Variants in PPP6R3 observed in about 807,000 individuals in gnomAD.
PPP6R3 encodes the protein protein phosphatase 6 regulatory subunit 3.
PPP6R3 carries 38 observed loss-of-function variants against 110.7 expected under a neutral mutation model. The observed-to-expected ratio is 0.34, with a 90% CI of 0.26 to 0.45. The LOEUF (loss-of-function observed/expected upper bound fraction) is 0.45. Among genes scored for constraint, PPP6R3 ranks in the 20% least tolerant of loss-of-function variants. The pLI, the probability that PPP6R3 is intolerant of heterozygous loss-of-function variation, is 1.00. For synonymous variants in PPP6R3, 369 were observed against 373.5 expected, an observed-to-expected ratio of 0.99 and a Z score of 0.14; for missense variants, 870 against 1,062.4, an observed-to-expected ratio of 0.82 and a Z score of 2.52.
intron 8 of PPP6R3, among the ~76,000 whole-genome samples, chr11:68,561,936 A>G (rs2099424856): frequency 6.6e-6 from 1 of 151,916 alleles, no homozygotes; most frequent in South Asian, 2.1e-4. Flanking sequence ...AATTTTTTTT[A>G]TGTTTTGTAG....
chr11:68,548,415 C>G (rs2099357675), intron 5 of PPP6R3, among the ~76,000 whole-genome samples: 1 of 141,722 alleles, frequency 7.1e-6, no homozygotes, highest in Non-Finnish European at 1.6e-5. Flanking sequence ...GGGCACATCC[C>G]TAGGTATGTA....
chr11:68,572,647 C>T (rs556398849), intron 12 of PPP6R3, among the ~76,000 whole-genome samples: 13 of 152,116 alleles, frequency 8.5e-5, no homozygotes, highest in South Asian at 8.3e-4. Flanking sequence ...GCCAGGGGTT[C>T]GAGACCAGTC....
At chr11:68,599,800 T>A (rs1423199230) in intron 19 of PPP6R3, among the ~76,000 whole-genome samples, 4 of 152,212 alleles carry the variant, frequency 2.6e-5, no homozygotes, top group Non-Finnish European at 5.9e-5. Context: ...AATCTCTGTG[T>A]AGTATTTCTT....
intron 23 of PPP6R3, among the ~76,000 whole-genome samples, chr11:68,612,312 C>T (rs1943913900): frequency 6.6e-6 from 1 of 152,212 alleles, no homozygotes; most frequent in Non-Finnish European, 1.5e-5. Context: ...AGGTATAAGG[C>T]ATGAGTAGCA....
chr11:68,489,179 C>T (rs747083452), intron 1 of PPP6R3, among the ~76,000 whole-genome samples: 14 of 151,880 alleles, frequency 9.2e-5, no homozygotes, highest in African/African-American at 2.9e-4. Flanking sequence ...CCACCACGCC[C>T]GGCTAATTTT....
rs1249687224 is a variant in PPP6R3 at position 68,613,157 on chromosome 11, G to A, written c.*40G>A. 2.5e-6 allele frequency: 4 copies of A among 1,611,808 alleles called. No homozygotes were observed. Among genetic ancestry groups the A allele is most frequent in the Non-Finnish European group, 3.4e-6 (4 of 1,179,198 alleles). ...TGCTGCTGACTGAGGACTGCAGACC[G>A]CCACCACTCAGGGGCTCTGGAGGGG... On this transcript the variant is annotated 3_prime_UTR_variant, in exon 24 of 24. Coordinates refer to ENST00000393800, the MANE Select transcript of PPP6R3 (RefSeq NM_001164161.2).
At chr11:68,487,205 T>C (rs1038124381) in intron 1 of PPP6R3, among the ~76,000 whole-genome samples, 3 of 152,216 alleles carry the variant, frequency 2.0e-5, no homozygotes, top group Non-Finnish European at 4.4e-5. Context: ...TACTCAATGC[T>C]ATAAATTTCC....
intron 1 of PPP6R3, among the ~76,000 whole-genome samples, chr11:68,490,628 T>G (rs545089799): frequency 6.7e-6 from 1 of 148,156 alleles, no homozygotes; most frequent in Non-Finnish European, 1.5e-5. Context: ...ATATTTTCTG[T>G]TTTTTTTTTC....
intron 1 of PPP6R3, among the ~76,000 whole-genome samples, chr11:68,515,595 C>G (rs1032717683): frequency 6.6e-6 from 1 of 152,146 alleles, no homozygotes; most frequent in African/African-American, 2.4e-5. Context: ...CATGAGCATT[C>G]AGCATTCGGG....
At chr11:68,603,258 T>C (rs1594033063) in intron 21 of PPP6R3, 84 bp from the exon 22 acceptor site, 1 of 1,505,544 alleles carries the variant, frequency 6.6e-7, no homozygotes, top group South Asian at 1.3e-5. Context: ...AGATGTCACG[T>C]TGGGTAGATG....
intron 1 of PPP6R3, among the ~76,000 whole-genome samples, chr11:68,485,736 A>G (rs1160497083): frequency 1.3e-5 from 2 of 152,170 alleles, no homozygotes; most frequent in African/African-American, 4.8e-5. Flanking sequence ...ACTTTGTCAC[A>G]TAGGCTGGAG....
intron 18 of PPP6R3, among the ~76,000 whole-genome samples, 165 bp from the exon 19 acceptor site, chr11:68,595,932 G>A (rs1331088851): frequency 1.3e-5 from 2 of 152,170 alleles, no homozygotes; most frequent in African/African-American, 2.4e-5. Context: ...CAGCACGCAC[G>A]CAAAGCTGAG....
intron 3 of PPP6R3, among the ~76,000 whole-genome samples, chr11:68,540,301 G>A (rs1037172682): frequency 6.6e-5 from 10 of 152,098 alleles, no homozygotes; most frequent in East Asian, 1.9e-4. Context: ...AAAGCTGGGC[G>A]TCCGGGGGAG....
At chr11:68,581,394 A>ATG (rs2099553930) in intron 14 of PPP6R3, among the ~76,000 whole-genome samples, 1 of 152,220 alleles carries the variant, frequency 6.6e-6, no homozygotes, top group Non-Finnish European at 1.5e-5. Flanking sequence ...GAAAGTGTGA[A>ATG]TGAGGATACA....
At chr11:68,503,273 C>T (rs188636468) in intron 1 of PPP6R3, among the ~76,000 whole-genome samples, 17 of 152,312 alleles carry the variant, frequency 1.1e-4, no homozygotes, top group Admixed American at 2.6e-4. Context: ...CCCACGGAAA[C>T]GGCTTCGTTT....
At chr11:68,475,170 G>T (rs549318823) in intron 1 of PPP6R3, among the ~76,000 whole-genome samples, 19 of 152,198 alleles carry the variant, frequency 1.2e-4, no homozygotes, top group Admixed American at 4.6e-4. Flanking sequence ...ATCTTGCACC[G>T]CCCTTAATCC....
intron 2 of PPP6R3, among the ~76,000 whole-genome samples, chr11:68,524,434 G>T (rs569027807): frequency 6.6e-6 from 1 of 152,196 alleles, no homozygotes; most frequent in African/African-American, 2.4e-5. Context: ...CTGGTGTGAC[G>T]TGATGTGCTC....
Position 68,569,862 on chromosome 11 carries a change from C to A in PPP6R3, c.1243C>A (p.Gln415Lys). ...CACAGAAAATGCCACAATTACCGAT[C>A]AAGACTCCACTGGTGATAATTTGTT... is the stretch of plus-strand genomic sequence containing the variant. Reference protein sequence around the residue: ...ENTENATITDQDSTGDNLLLK... With the variant: ...ENTENATITDKDSTGDNLLLK... The change falls in exon 11 of 24, where the codon CAA (glutamine) becomes AAA (lysine). Residue 415 changes from glutamine to lysine, a missense_variant. By Grantham distance (53) the Gln-to-Lys change is moderately conservative. Transcript: ENST00000393800. 1 of 1,611,702 alleles carries A rather than the reference C, an allele frequency of 6.2e-7. No individual in the cohort carries two copies. Among genetic ancestry groups the A allele is most frequent in the South Asian group, 1.1e-5 (1 of 90,764 alleles).
chr11:68,548,101 T>C lies in PPP6R3; in HGVS notation c.449T>C (p.Val150Ala), dbSNP rs1330205141. 1 of 1,613,742 alleles carries C rather than the reference T, an allele frequency of 6.2e-7. No homozygotes were observed. Among genetic ancestry groups the C allele is most frequent in the Non-Finnish European group, 8.5e-7 (1 of 1,179,736 alleles). ...VDFLKKKHDFVDLIIKHIGTS... is the reference protein window; with the variant it reads ...VDFLKKKHDFADLIIKHIGTS... ...TTCTTAAAGAAGAAGCATGATTTTG[T>C]AGACCTTATTATAAAGCACATAGGA... The change falls in exon 5 of 24, where the codon GTA becomes GCA. Residue 150 changes from valine (V) to alanine (A), a missense_variant. Val to Ala is a moderately conservative substitution (Grantham distance 64). Coordinates refer to ENST00000393800, the MANE Select transcript of PPP6R3 (RefSeq NM_001164161.2).
Sources: allele counts gnomAD v4.1 joint callset (sites outside exome capture counted in the v4.1 genomes callset), GRCh38; gene constraint gnomAD v4.1.1; transcripts MANE v1.5; gene names NCBI Gene and HGNC (gene_info 2026-07-23, HGNC 2026-07-21).